Variants in SHISA9 observed in about 807,000 individuals in gnomAD.
SHISA9 encodes shisa family member 9, also known as protein shisa-9.
A neutral mutation model predicts 38.0 loss-of-function variants in SHISA9; 13 were observed. The observed-to-expected ratio is 0.34, with a 90% CI of 0.22 to 0.54. SHISA9 has a LOEUF of 0.54. Among genes scored for constraint, SHISA9 ranks in the 20% least tolerant of loss-of-function variants. The probability of loss-of-function intolerance (pLI) is 0.91; values close to 1 mark genes in which losing one functional copy is unlikely to be tolerated. For synonymous variants in SHISA9, 275 were observed against 242.0 expected (o/e 1.14, Z -1.27); for missense variants, 538 against 575.8 (o/e 0.93, Z 0.67).
chr16:13,110,590 A>T (rs956248255), intron 2 of SHISA9, among the ~76,000 whole-genome samples: 3 of 152,138 alleles, frequency 2.0e-5, no homozygotes, highest in Non-Finnish European at 4.4e-5. Flanking sequence ...GTACAGGGAG[A>T]GGAGAGCTGG....
intron 2 of SHISA9, among the ~76,000 whole-genome samples, chr16:13,080,530 T>C (rs1316160643): frequency 6.6e-6 from 1 of 152,160 alleles, no homozygotes; most frequent in East Asian, 1.9e-4. Flanking sequence ...GAATGAGACT[T>C]GATAATTTCT....
downstream of SHISA9, among the ~76,000 whole-genome samples, chr16:13,242,105 G>C (rs2051439708): frequency 6.6e-6 from 1 of 152,160 alleles, no homozygotes; most frequent in African/African-American, 2.4e-5. Flanking sequence ...GCAAAAGGTG[G>C]GTACTATTAT....
intron 1 of SHISA9, chr16:12,910,863 T>G (rs2071173966): frequency 2.2e-6 from 1 of 444,474 alleles, no homozygotes; most frequent in African/African-American, 2.1e-5. Flanking sequence ...AATTCTCTCT[T>G]TTTGGGGCAA....
At chr16:13,418,544 A>G in the SHISA9 span, among the ~76,000 whole-genome samples, 1 of 152,126 alleles carries the variant, frequency 6.6e-6, no homozygotes, top group East Asian at 1.9e-4. Flanking sequence ...CCTCCGTATG[A>G]CCACATGGAC....
At chr16:13,380,624 G>T in the SHISA9 span, among the ~76,000 whole-genome samples, 1 of 152,132 alleles carries the variant, frequency 6.6e-6, no homozygotes, top group Non-Finnish European at 1.5e-5. Context: ...AAATGAAGGA[G>T]TAAACTAAAA....
chr16:13,436,629 G>A, the SHISA9 span, among the ~76,000 whole-genome samples: 2 of 152,074 alleles, frequency 1.3e-5, no homozygotes, highest in East Asian at 3.9e-4. Flanking sequence ...TTTACTCTGT[G>A]GACTCACCCT....
chr16:13,177,959 C>T (rs943485234), intron 2 of SHISA9, among the ~76,000 whole-genome samples: 4 of 152,172 alleles, frequency 2.6e-5, no homozygotes, highest in South Asian at 2.1e-4. Context: ...TGAGTCACTG[C>T]GCCCGGCCAG....
At chr16:12,914,650 T>G (rs1171296625) in intron 1 of SHISA9, among the ~76,000 whole-genome samples, 1 of 152,162 alleles carries the variant, frequency 6.6e-6, no homozygotes, top group East Asian at 1.9e-4. Flanking sequence ...AAAGTCCCTA[T>G]GTAATCTCTG....
intron 4 of SHISA9, among the ~76,000 whole-genome samples, chr16:13,223,043 A>T (rs984501989): frequency 2.0e-5 from 3 of 152,114 alleles, no homozygotes; most frequent in Admixed American, 2.0e-4. Context: ...TCAATTTTAT[A>T]GGTGAAGCTT....
chr16:13,346,651 A>AT, the SHISA9 span, among the ~76,000 whole-genome samples: 1 of 152,018 alleles, frequency 6.6e-6, no homozygotes, highest in Non-Finnish European at 1.5e-5. Flanking sequence ...TATTTGTATA[A>AT]TTTTTTCTCT....
At chr16:13,363,041 C>T in the SHISA9 span, among the ~76,000 whole-genome samples, 2 of 152,230 alleles carry the variant, frequency 1.3e-5, no homozygotes, top group African/African-American at 4.8e-5. Context: ...TTTCATTGAA[C>T]TCAGAAAACT....
At chr16:13,045,108 T>C (rs900586620) in intron 2 of SHISA9, among the ~76,000 whole-genome samples, 1 of 152,214 alleles carries the variant, frequency 6.6e-6, no homozygotes, top group Non-Finnish European at 1.5e-5. Context: ...GTTATAGAGA[T>C]TCAACATGCT....
the SHISA9 span, among the ~76,000 whole-genome samples, chr16:13,402,112 G>A: frequency 1.3e-5 from 2 of 152,162 alleles, no homozygotes; most frequent in Admixed American, 1.3e-4. Context: ...GTTCTCCAGA[G>A]AAATGAAATC....
chr16:13,312,754 A>G, the SHISA9 span, among the ~76,000 whole-genome samples: 1 of 152,236 alleles, frequency 6.6e-6, no homozygotes, highest in South Asian at 2.1e-4. Flanking sequence ...TGCTCTCAAC[A>G]GATTTCCATC....
At chr16:13,144,471 A>G (rs544259569) in intron 2 of SHISA9, among the ~76,000 whole-genome samples, 106 of 151,936 alleles carry the variant, frequency 7.0e-4, no homozygotes, top group Admixed American at 2.6e-3. Flanking sequence ...CTTGAACATC[A>G]CCTATCTCTG....
At chr16:13,252,790 C>T in the SHISA9 span, among the ~76,000 whole-genome samples, 1 of 152,196 alleles carries the variant, frequency 6.6e-6, no homozygotes, top group Non-Finnish European at 1.5e-5. Flanking sequence ...ATATGCCCTC[C>T]ACCTACCACG....
the SHISA9 span, among the ~76,000 whole-genome samples, chr16:13,327,475 C>A: frequency 1.3e-5 from 2 of 151,902 alleles, no homozygotes; most frequent in Admixed American, 1.3e-4. Context: ...AATTAGGTGG[C>A]TGTGGTGTTG....
At position 13,060,659 on chromosome 16, in the gene SHISA9, A is replaced by AAAC. The variant is rs1555458356; in HGVS notation, c.692-142733_692-142731dup. ...TCTCAAAAAAAAAAAAAAAAAAAAAAAACACTCAAAATACAGGAAATTAAA... is the reference window on the plus strand; with the variant it reads ...TCTCAAAAAAAAAAAAAAAAAAAAAAAACAACACTCAAAATACAGGAAATTAAA... On this transcript the variant is annotated intron_variant, in intron 2 of 4. Coordinates refer to ENST00000558583, the MANE Select transcript of SHISA9 (RefSeq NM_001145204.3). 6.8e-3 allele frequency among the ~76,000 whole-genome samples: 879 copies of AAAC among 128,352 alleles called. 96 individuals are homozygous for AAAC. The highest frequency in any genetic ancestry group is 7.6e-3 in the Non-Finnish European group (473 of 62,060). The allele number at this position is 128,352 out of a possible 152,430, so 84.2% of individuals were successfully genotyped here.
At chr16:13,175,528 C>T (rs1238455695) in intron 2 of SHISA9, among the ~76,000 whole-genome samples, 2 of 152,148 alleles carry the variant, frequency 1.3e-5, no homozygotes, top group African/African-American at 4.8e-5. Context: ...GGTGAGGGTT[C>T]TGAGATGGGT....
Sources: allele counts gnomAD v4.1 joint callset (sites outside exome capture counted in the v4.1 genomes callset), GRCh38; gene constraint gnomAD v4.1.1; transcripts MANE v1.5; gene names NCBI Gene and HGNC (gene_info 2026-07-23, HGNC 2026-07-21).